OMA1: variants seen among roughly 807,000 people sequenced by gnomAD.
The protein encoded by OMA1 is OMA1 zinc metallopeptidase.
Under a neutral mutation model 30.9 loss-of-function variants are expected in OMA1, and 38 were observed. The observed-to-expected ratio is 1.23, with a 90% CI of 0.95 to 1.61. The LOEUF is 1.61. Ranked by LOEUF, OMA1 falls within the 40% of genes most tolerant of loss-of-function variation. The pLI is 0.00. For missense variants in OMA1, 461 were observed against 349.2 expected, an observed-to-expected ratio of 1.32 and a Z score of -2.55; for synonymous variants, 173 against 121.9, an observed-to-expected ratio of 1.42 and a Z score of -2.76.
At chr1:58,488,129 T>TA (rs1436131879) in intron 8 of OMA1, among the ~76,000 whole-genome samples, 1 of 152,182 alleles carries the variant, frequency 6.6e-6, no homozygotes, top group Admixed American at 6.5e-5. Flanking sequence ...ACAGATTTAG[T>TA]AAAAACTCAT....
At chr1:58,498,164 G>A (rs573376186) in intron 8 of OMA1, among the ~76,000 whole-genome samples, 1 of 151,814 alleles carries the variant, frequency 6.6e-6, no homozygotes, top group South Asian at 2.1e-4. Context: ...GAAAAATAGG[G>A]GCTCATTAAG....
At chr1:58,543,477 C>G (rs547921857) in intron 1 of OMA1, among the ~76,000 whole-genome samples, 2 of 152,298 alleles carry the variant, frequency 1.3e-5, no homozygotes, top group East Asian at 3.9e-4. Flanking sequence ...TCTAGCCTTT[C>G]CTGGGCTCTG....
At chr1:58,513,119 T>C (rs1000050618) in intron 7 of OMA1, among the ~76,000 whole-genome samples, 7 of 152,080 alleles carry the variant, frequency 4.6e-5, no homozygotes, top group African/African-American at 1.7e-4. Flanking sequence ...AGGGAGGGAC[T>C]TGGTAGGAGG....
intron 7 of OMA1, among the ~76,000 whole-genome samples, chr1:58,507,788 T>C (rs967029837): frequency 1.1e-4 from 17 of 152,088 alleles, no homozygotes; most frequent in Admixed American, 7.2e-4. Flanking sequence ...TGCCCCTCAA[T>C]AATAGGTAAT....
chr1:58,537,377 C>T (rs773840448), intron 2 of OMA1, among the ~76,000 whole-genome samples: 16 of 152,176 alleles, frequency 1.1e-4, no homozygotes, highest in Non-Finnish European at 1.8e-4. Flanking sequence ...AGGGAAACTG[C>T]CTCAGCATTC....
rs1646366878 is a variant in OMA1, at chr1:58,527,263, T to C, written c.1213A>G (p.Lys405Glu). The stretch of plus-strand genomic sequence containing the variant: ...TTCTCAACTACTAAACACTTTACCT[T>C]TGCAGCAAGCAGTAGTCCAATTTTG... Reference protein sequence around the residue: ...ADKIGLLLAAKACADIRASSV... With the variant: ...ADKIGLLLAAEACADIRASSV... Residue 405 changes from lysine (K) to glutamate (E), a missense_variant and splice_region_variant, in exon 7 of 9, where the codon AAG becomes GAG. Physicochemically the swap from Lys to Glu is moderately conservative, Grantham distance 56. Coordinates refer to ENST00000371226, the MANE Select transcript of OMA1 (RefSeq NM_145243.5). 1.1e-6 allele frequency: 1 copy of C among 872,174 alleles called. No individual in the cohort carries two copies. The highest frequency in any genetic ancestry group is 1.6e-5 in the African/African-American group (1 of 61,322). 54.0% of individuals were successfully genotyped at this position (872,174 alleles called of 1,614,324 possible). A position where few individuals can be genotyped will look rare whatever the true frequency, so the allele number is the denominator to read the frequency against.
chr1:58,496,549 T>C (rs1030901194), intron 8 of OMA1, among the ~76,000 whole-genome samples: 5 of 152,182 alleles, frequency 3.3e-5, no homozygotes, highest in Non-Finnish European at 5.9e-5. Context: ...TGGGGAACAA[T>C]GAGCATTTCA....
intron 8 of OMA1, among the ~76,000 whole-genome samples, chr1:58,486,338 T>C (rs753195674): frequency 9.2e-5 from 14 of 152,174 alleles, no homozygotes; most frequent in Non-Finnish European, 1.6e-4. Context: ...TGAGTCAGAA[T>C]TAAAACCGAA....
intron 2 of OMA1, among the ~76,000 whole-genome samples, chr1:58,538,494 ATT>A (rs79968247): frequency 0.12 from 17,664 of 152,144 alleles, 1,215 homozygotes; most frequent in African/African-American, 0.18. Flanking sequence ...TAAATATAAG[ATT>A]TTTTTAATGC....
chr1:58,528,438 C>G (rs759978931), intron 6 of OMA1, among the ~76,000 whole-genome samples: 4 of 152,142 alleles, frequency 2.6e-5, no homozygotes, highest in African/African-American at 4.8e-5. Flanking sequence ...TTATTGAGCC[C>G]TGATTTGTGC....
At chr1:58,521,399 C>G (rs942171534) in intron 7 of OMA1, among the ~76,000 whole-genome samples, 1 of 148,664 alleles carries the variant, frequency 6.7e-6, no homozygotes, top group African/African-American at 2.5e-5. Flanking sequence ...ACATATGAAA[C>G]CCAAAAAATG....
At chr1:58,546,398 T>C (rs552935107) in intron 1 of OMA1, among the ~76,000 whole-genome samples, 5 of 152,260 alleles carry the variant, frequency 3.3e-5, no homozygotes, top group South Asian at 2.1e-4. Context: ...ACGAAAGTAC[T>C]GCCACGGGGC....
chr1:58,488,280 T>C (rs1249666523), intron 8 of OMA1, among the ~76,000 whole-genome samples: 1 of 152,238 alleles, frequency 6.6e-6, no homozygotes, highest in Admixed American at 6.5e-5. Context: ...ATATTAATTT[T>C]ACTATACTAT....
chr1:58,538,348 T>C (rs1371593303), intron 2 of OMA1, among the ~76,000 whole-genome samples: 1 of 152,220 alleles, frequency 6.6e-6, no homozygotes, highest in African/African-American at 2.4e-5. Flanking sequence ...CCCACCCTTA[T>C]ATAAGCAAAG....
intron 8 of OMA1, among the ~76,000 whole-genome samples, chr1:58,493,587 A>G (rs1569886069): frequency 6.6e-6 from 1 of 151,440 alleles, no homozygotes; most frequent in East Asian, 1.9e-4. Context: ...TACAAAATCA[A>G]TGTGCAAAAA....
At chr1:58,483,959 A>G (rs919419586) in intron 8 of OMA1, among the ~76,000 whole-genome samples, 1 of 152,240 alleles carries the variant, frequency 6.6e-6, no homozygotes, top group African/African-American at 2.4e-5. Flanking sequence ...GGAGTCCAGC[A>G]GGTAACAACT....
In OMA1 at chr1:58,509,910, C is replaced by T. The variant is rs546069912; in HGVS notation, c.1216-3701G>A. 2.6e-5 allele frequency among the ~76,000 whole-genome samples: 4 copies of T among 151,870 alleles called. No individual in the cohort carries two copies. In the East Asian group the frequency reaches 7.7e-4, roughly 29 times the overall value. On this transcript the variant is annotated intron_variant, in intron 7 of 8. Transcript: ENST00000371226. Reference sequence around the variant, plus strand: ...ATAACCTAGAAGAAATGGATAAACTCCAAGAAATATACAACCCACTAAGAC... The same window carrying T: ...ATAACCTAGAAGAAATGGATAAACTTCAAGAAATATACAACCCACTAAGAC...
chr1:58,513,784 A>C (rs1419527879), intron 7 of OMA1, among the ~76,000 whole-genome samples: 1 of 152,234 alleles, frequency 6.6e-6, no homozygotes, highest in East Asian at 1.9e-4. Flanking sequence ...TTTAATCCTC[A>C]TAACAACTTC....
intron 5 of OMA1, 147 bp from the exon 6 acceptor site, chr1:58,530,876 C>T (rs550173167): frequency 1.7e-5 from 10 of 573,970 alleles, no homozygotes; most frequent in African/African-American, 7.5e-5. Flanking sequence ...TTATTCTTTC[C>T]GGGTCTGTTT....
Sources: gnomAD v4.1 joint callset for allele counts (sites outside exome capture counted in the v4.1 genomes callset) on GRCh38, gnomAD v4.1.1 for gene constraint, MANE v1.5 for transcripts, NCBI Gene and HGNC (gene_info 2026-07-23, HGNC 2026-07-21) for gene names.